The following HSD17B11 variants were observed in gnomAD, a reference collection of about 807,000 sequenced individuals.
The protein encoded by HSD17B11 is estradiol 17-beta-dehydrogenase 11.
A neutral mutation model predicts 27.8 loss-of-function variants in HSD17B11; 22 were observed. The observed-to-expected ratio is 0.79, with a 90% CI of 0.56 to 1.13. HSD17B11 has a LOEUF of 1.13. HSD17B11 is among the 50% of genes most tolerant of loss of function. The pLI is 0.00. For missense variants in HSD17B11, 314 were observed against 351.1 expected (o/e 0.89, Z 0.84); for synonymous variants, 117 against 132.8 (o/e 0.88, Z 0.82).
At chr4:87,372,242 CAA>C (rs10618602) in intron 4 of HSD17B11, among the ~76,000 whole-genome samples, 50 of 99,448 alleles carry the variant, frequency 5.0e-4, no homozygotes, top group South Asian at 1.7e-3. Flanking sequence ...GACTCCGTCT[CAA>C]AAAAAAAAAA....
intron 5 of HSD17B11, among the ~76,000 whole-genome samples, chr4:87,353,933 T>G (rs552267210): frequency 7.9e-5 from 12 of 152,312 alleles, no homozygotes; most frequent in African/African-American, 2.9e-4. Context: ...CTCACTACTT[T>G]CATTCCTCAG....
chr4:87,382,430 A>T, intron 1 of HSD17B11, 68 bp from the exon 2 acceptor site: 1 of 932,572 alleles, frequency 1.1e-6, no homozygotes, highest in Non-Finnish European at 1.7e-6. Flanking sequence ...AGCTGAAAAT[A>T]ATTAAAAATA....
Position 87,357,411 on chromosome 4 carries a change from C to G in HSD17B11, c.563G>C (p.Ser188Thr), listed in dbSNP as rs1262818063. 2 of 1,611,244 alleles carry G rather than the reference C, an allele frequency of 1.2e-6. No homozygotes were observed. Among genetic ancestry groups the G allele is most frequent in the African/African-American group, 1.3e-5 (1 of 74,684 alleles). Residue 188 changes from serine to threonine, a missense_variant, in exon 5 of 7, where the codon AGC becomes ACC. Coordinates refer to ENST00000358290, the MANE Select transcript of HSD17B11 (RefSeq NM_016245.5). ...SVPFLLAYCS[S>T]KFAAVGFHKT... ...ATGAAATCCAACAGCAGCAAACTTGCTTGAACTGAAAATAGAGAGTTTACA... is the reference window on the plus strand; with the variant it reads ...ATGAAATCCAACAGCAGCAAACTTGGTTGAACTGAAAATAGAGAGTTTACA...
chr4:87,360,650 T>C (rs1381539961), intron 4 of HSD17B11, among the ~76,000 whole-genome samples: 1 of 152,208 alleles, frequency 6.6e-6, no homozygotes, highest in Non-Finnish European at 1.5e-5. Context: ...CCTGCTGGAC[T>C]TGGAATTTAA....
chr4:87,382,726 T>G (rs1720208055), intron 1 of HSD17B11, among the ~76,000 whole-genome samples: 1 of 152,256 alleles, frequency 6.6e-6, no homozygotes, highest in Non-Finnish European at 1.5e-5. Context: ...TAAAAACTAT[T>G]CATGGATGTC....
At chr4:87,344,421 AATTT>A (rs1435938335) in intron 5 of HSD17B11, among the ~76,000 whole-genome samples, 1 of 152,220 alleles carries the variant, frequency 6.6e-6, no homozygotes, top group Non-Finnish European at 1.5e-5. Flanking sequence ...GGAAAGAGAT[AATTT>A]ATTTCAGGAA....
rs6531985 is a variant in HSD17B11, at chr4:87,372,735, G to A, written c.531C>T (p.Val177=). ...AGTAAGCCAGTAAGAAGGGGACCGA[G>A]ACATGTCCAGCTGCCGAAGCCACAG... ...IVTVASAAGH[V]SVPFLLAYCS... The change falls in exon 4 of 7, where the codon GTC becomes GTT. Residue 177 remains valine, a synonymous_variant. Coordinates refer to ENST00000358290, the MANE Select transcript of HSD17B11 (RefSeq NM_016245.5). The A allele has an allele frequency of 0.3, 483,396 of 1,609,608 alleles. 78,887 individuals carry two copies. Among genetic ancestry groups the A allele is most frequent in the African/African-American group, 0.54 (40,657 of 74,768 alleles).
At chr4:87,353,011 C>T (rs1735314853) in intron 5 of HSD17B11, among the ~76,000 whole-genome samples, 1 of 110,080 alleles carries the variant, frequency 9.1e-6, no homozygotes, top group Non-Finnish European at 1.8e-5. Context: ...CTGGCCTGCG[C>T]CCACTGTCTG....
chr4:87,382,930 A>G (rs928376667), intron 1 of HSD17B11, among the ~76,000 whole-genome samples: 1 of 152,204 alleles, frequency 6.6e-6, no homozygotes, highest in Non-Finnish European at 1.5e-5. Flanking sequence ...GTTAAGTAGG[A>G]CCACGTAATA....
At chr4:87,385,366 A>G (rs1287523659) in intron 1 of HSD17B11, among the ~76,000 whole-genome samples, 2 of 152,182 alleles carry the variant, frequency 1.3e-5, no homozygotes, top group African/African-American at 2.4e-5. Context: ...TGCAGTACCC[A>G]GAGTATCATA....
At chr4:87,362,214 T>C in intron 4 of HSD17B11, among the ~76,000 whole-genome samples, 1 of 152,206 alleles carries the variant, frequency 6.6e-6, no homozygotes, top group East Asian at 1.9e-4. Context: ...TTAGGAGGAT[T>C]AGAGTCCCTT....
At chr4:87,340,468 A>C (rs751069692) in intron 6 of HSD17B11, 22 bp downstream of exon 6, 2 of 1,424,128 alleles carry the variant, frequency 1.4e-6, no homozygotes. Context: ...TTCATTTCTA[A>C]GGTTTCTTAA....
At chr4:87,390,827 G>A in intron 1 of HSD17B11, 34 bp downstream of exon 1, 2 of 1,577,846 alleles carry the variant, frequency 1.3e-6, no homozygotes, top group Non-Finnish European at 8.7e-7. Context: ...CAAATTAAAG[G>A]TACCAGAAAG....
chr4:87,379,165 C>A (rs192890800), intron 2 of HSD17B11, among the ~76,000 whole-genome samples: 1 of 148,318 alleles, frequency 6.7e-6, no homozygotes, highest in Non-Finnish European at 1.5e-5. Context: ...TCATATTGGC[C>A]AGGCTGGTCT....
chr4:87,343,830 G>A (rs971581550), intron 5 of HSD17B11, among the ~76,000 whole-genome samples: 1 of 152,158 alleles, frequency 6.6e-6, no homozygotes, highest in Non-Finnish European at 1.5e-5. Flanking sequence ...TTACAGGCGT[G>A]AGCCACTGTG....
chr4:87,361,383 C>CA (rs1197550152), intron 4 of HSD17B11, among the ~76,000 whole-genome samples: 14 of 152,150 alleles, frequency 9.2e-5, no homozygotes, highest in African/African-American at 3.1e-4. Flanking sequence ...AGCATATTAT[C>CA]AAAAAATAAT....
chr4:87,359,228 A>G (rs1487802665), intron 4 of HSD17B11, among the ~76,000 whole-genome samples: 2 of 152,228 alleles, frequency 1.3e-5, no homozygotes, highest in African/African-American at 2.4e-5. Context: ...GGGGACTAAT[A>G]CAGAAGGCTT....
At chr4:87,370,942 C>T (rs1419962018) in intron 4 of HSD17B11, among the ~76,000 whole-genome samples, 5 of 123,858 alleles carry the variant, frequency 4.0e-5, no homozygotes, top group African/African-American at 3.7e-5. Flanking sequence ...TTAGTAGAGA[C>T]GGGGTTTCAC....
intron 1 of HSD17B11, among the ~76,000 whole-genome samples, chr4:87,390,435 C>T (rs1005373707): frequency 3.3e-5 from 5 of 152,216 alleles, no homozygotes; most frequent in South Asian, 2.1e-4. Flanking sequence ...GGATTACAGG[C>T]GTGAGCCAAC....
Sources: allele counts gnomAD v4.1 joint callset (sites outside exome capture counted in the v4.1 genomes callset), GRCh38; gene constraint gnomAD v4.1.1; transcripts MANE v1.5; gene names NCBI Gene and HGNC (gene_info 2026-07-23, HGNC 2026-07-21).